DIAPH3: variants seen among roughly 807,000 people sequenced by gnomAD.
DIAPH3 encodes the protein protein diaphanous homolog 3.
In DIAPH3, 117 loss-of-function variants were observed where a neutral mutation model predicts 144.3. The observed-to-expected ratio is 0.81, with a 90% CI of 0.70 to 0.95. The LOEUF is 0.95. DIAPH3 is among the 40% of genes least tolerant of loss of function. The probability of loss-of-function intolerance (pLI) is 0.00; values close to 1 mark genes in which losing one functional copy is unlikely to be tolerated. For synonymous variants in DIAPH3, 519 were observed against 488.9 expected (o/e 1.06, Z -0.81); for missense variants, 1,421 against 1,412.7 (o/e 1.01, Z -0.09).
At chr13:60,050,828 AAGG>A (rs2056309795) in intron 4 of DIAPH3, among the ~76,000 whole-genome samples, 1 of 67,254 alleles carries the variant, frequency 1.5e-5, no homozygotes, top group Non-Finnish European at 3.3e-5. Context: ...AACGTGAAAC[AAGG>A]AGGTCAGTTA....
chr13:60,052,976 A>G (rs1276325791), intron 4 of DIAPH3, among the ~76,000 whole-genome samples: 2 of 147,968 alleles, frequency 1.4e-5, no homozygotes, highest in African/African-American at 2.5e-5. Flanking sequence ...AAAAAAAAAA[A>G]AAAAGAAATA....
At chr13:59,947,150 T>C (rs1189231051) in intron 17 of DIAPH3, among the ~76,000 whole-genome samples, 2 of 152,208 alleles carry the variant, frequency 1.3e-5, no homozygotes, top group African/African-American at 2.4e-5. Context: ...CTTTCGAGCA[T>C]GACACAGCTC....
At chr13:60,013,876 G>A (rs1016033683) in intron 7 of DIAPH3, among the ~76,000 whole-genome samples, 4 of 152,048 alleles carry the variant, frequency 2.6e-5, no homozygotes, top group Admixed American at 2.6e-4. Flanking sequence ...TAGGTTTAGA[G>A]TTCAGACACT....
At chr13:59,714,047 AT>A (rs1252902486) in intron 27 of DIAPH3, among the ~76,000 whole-genome samples, 1 of 151,964 alleles carries the variant, frequency 6.6e-6, no homozygotes, top group Non-Finnish European at 1.5e-5. Context: ...GAGGTCCCAT[AT>A]TCCAAAAACT....
At chr13:59,752,168 G>A (rs946532762) in intron 27 of DIAPH3, among the ~76,000 whole-genome samples, 4 of 152,046 alleles carry the variant, frequency 2.6e-5, no homozygotes, top group Non-Finnish European at 5.9e-5. Context: ...TGCTTTGCAT[G>A]GCTTGTTTAA....
At chr13:60,053,446 A>G (rs866883395) in intron 4 of DIAPH3, among the ~76,000 whole-genome samples, 1 of 152,194 alleles carries the variant, frequency 6.6e-6, no homozygotes, top group Non-Finnish European at 1.5e-5. Context: ...CAAATGCAGC[A>G]TAGAAAGAAA....
chr13:60,080,711 A>G (rs2057527837), intron 4 of DIAPH3, among the ~76,000 whole-genome samples: 1 of 151,962 alleles, frequency 6.6e-6, no homozygotes, highest in African/African-American at 2.4e-5. Context: ...AATGAATTAT[A>G]GGCACAAAAG....
At chr13:59,697,443 G>A (rs566994760) in intron 27 of DIAPH3, among the ~76,000 whole-genome samples, 9 of 100,116 alleles carry the variant, frequency 9.0e-5, no homozygotes, top group Non-Finnish European at 5.3e-5. Flanking sequence ...CTGGGCGACA[G>A]AGCGAGACAC....
At chr13:59,963,178 T>C (rs1723549855) in intron 17 of DIAPH3, among the ~76,000 whole-genome samples, 1 of 152,152 alleles carries the variant, frequency 6.6e-6, no homozygotes, top group African/African-American at 2.4e-5. Context: ...CTGGCTTACC[T>C]ACTCAGATGC....
chr13:60,038,267 T>C (rs925055643), intron 5 of DIAPH3, among the ~76,000 whole-genome samples: 1 of 152,126 alleles, frequency 6.6e-6, no homozygotes, highest in Non-Finnish European at 1.5e-5. Context: ...CTTTTGGAAA[T>C]GTTTAATATC....
chr13:59,980,553 C>A (rs2050932181), intron 14 of DIAPH3, among the ~76,000 whole-genome samples: 1 of 151,478 alleles, frequency 6.6e-6, no homozygotes, highest in Admixed American at 6.6e-5. Context: ...AACTATGTAG[C>A]ATGTGAGATG....
intron 24 of DIAPH3, among the ~76,000 whole-genome samples, chr13:59,814,342 A>T (rs1039331895): frequency 2.6e-5 from 4 of 152,174 alleles, no homozygotes; most frequent in Non-Finnish European, 1.5e-5. Flanking sequence ...ATTTTGTTTC[A>T]TGAAAAATGC....
At chr13:59,772,084 C>T (rs916868706) in intron 27 of DIAPH3, among the ~76,000 whole-genome samples, 1 of 151,980 alleles carries the variant, frequency 6.6e-6, no homozygotes, top group Non-Finnish European at 1.5e-5. Context: ...TTCAATCTTA[C>T]ATTTCAATCA....
intron 27 of DIAPH3, among the ~76,000 whole-genome samples, chr13:59,679,526 A>T (rs1446553530): frequency 6.6e-6 from 1 of 152,186 alleles, no homozygotes; most frequent in Admixed American, 6.5e-5. Flanking sequence ...CTAGAAATGT[A>T]CCATACAGAG....
chr13:60,021,450 C>G (rs890362707), intron 5 of DIAPH3, among the ~76,000 whole-genome samples: 1 of 152,106 alleles, frequency 6.6e-6, no homozygotes, highest in African/African-American at 2.4e-5. Context: ...CACGGAGAAA[C>G]CCCGTTTCTA....
At chr13:59,868,891 G>A (rs549688938) in intron 21 of DIAPH3, among the ~76,000 whole-genome samples, 1 of 152,154 alleles carries the variant, frequency 6.6e-6, no homozygotes, top group African/African-American at 2.4e-5. Flanking sequence ...TCTTCCATTG[G>A]CTTAAAGAGA....
intron 27 of DIAPH3, among the ~76,000 whole-genome samples, chr13:59,721,863 G>A (rs1319174098): frequency 2.6e-5 from 4 of 152,254 alleles, no homozygotes; most frequent in African/African-American, 7.2e-5. Context: ...AGAAGAACAA[G>A]AGCAAAACTA....
intron 20 of DIAPH3, among the ~76,000 whole-genome samples, chr13:59,901,255 G>T (rs2046412229): frequency 6.6e-6 from 1 of 152,200 alleles, no homozygotes; most frequent in African/African-American, 2.4e-5. Flanking sequence ...CACTATGGCT[G>T]CAAGGCCATG....
intron 5 of DIAPH3, among the ~76,000 whole-genome samples, chr13:60,028,462 G>A (rs1053983333): frequency 2.0e-5 from 3 of 152,116 alleles, no homozygotes; most frequent in African/African-American, 4.8e-5. Flanking sequence ...CCAGAAACCA[G>A]CATTTGGGGT....
Sources: allele counts gnomAD v4.1 joint callset (sites outside exome capture counted in the v4.1 genomes callset), GRCh38; gene constraint gnomAD v4.1.1; transcripts MANE v1.5; gene names NCBI Gene and HGNC (gene_info 2026-07-23, HGNC 2026-07-21).